EGLN1: variants seen among roughly 807,000 people sequenced by gnomAD.
The protein encoded by EGLN1 is egl-9 family hypoxia inducible factor 1, also known as egl nine homolog 1.
A neutral mutation model predicts 38.3 loss-of-function variants in EGLN1; 17 were observed. That is an observed-to-expected ratio of 0.44 (90% confidence interval 0.30 to 0.67). The LOEUF (loss-of-function observed/expected upper bound fraction) is 0.67, where lower values mean the gene tolerates loss of function less well. EGLN1 is among the 30% of genes least tolerant of loss of function. The pLI is 0.08. For missense variants in EGLN1, 477 were observed against 603.3 expected (o/e 0.79, Z 2.19); for synonymous variants, 283 against 257.5 (o/e 1.10, Z -0.95).
intron 1 of EGLN1, among the ~76,000 whole-genome samples, chr1:231,408,679 C>G (rs1688853471): frequency 6.6e-6 from 1 of 152,008 alleles, no homozygotes; most frequent in Non-Finnish European, 1.5e-5. Flanking sequence ...GTTGGAAATA[C>G]AAGGGTTCTC....
chr1:231,405,154 AAC>A (rs1688754246), intron 1 of EGLN1, among the ~76,000 whole-genome samples: 1 of 152,092 alleles, frequency 6.6e-6, no homozygotes, highest in Non-Finnish European at 1.5e-5. Flanking sequence ...TGAGAAATAA[AAC>A]TACTTTTTAT....
rs1323893562 is a variant in EGLN1 at position 231,366,447 on chromosome 1, A to G, written c.1245T>C (p.Asn415=). 5.0e-6 allele frequency: 8 copies of G among 1,614,002 alleles called. No individual in the cohort carries two copies. The highest frequency in any genetic ancestry group is 6.8e-6 in the Non-Finnish European group (8 of 1,179,976). The part of the protein sequence containing the change: ...TGEKGVRVEL[N]KPSDSVGKDV... Reference sequence around the variant, plus strand: ...CTTTACCGACCGAATCTGAAGGTTTATTGAGTTCAACCCTCACACCTTTTT... The same window carrying G: ...CTTTACCGACCGAATCTGAAGGTTTGTTGAGTTCAACCCTCACACCTTTTT... Residue 415 remains asparagine, a synonymous_variant, in exon 5 of 5, where the codon AAT becomes AAC. Coordinates refer to ENST00000366641, the MANE Select transcript of EGLN1 (RefSeq NM_022051.3).
chr1:231,366,282 T>G lies in EGLN1; in HGVS notation c.*129A>C. 1.0e-6 allele frequency: 1 copy of G among 973,414 alleles called. No homozygotes were observed. Among genetic ancestry groups the G allele is most frequent in the Non-Finnish European group, 1.6e-6 (1 of 622,996 alleles). 60.3% of individuals were successfully genotyped at this position (973,414 alleles called of 1,614,324 possible). ...CTTCTGTTTGATGCAACACAAAAAG[T>G]TGTTTCTGTTTCCTTATTAAAATGC... On this transcript the variant is annotated 3_prime_UTR_variant, in exon 5 of 5. Coordinates refer to ENST00000366641, the MANE Select transcript of EGLN1 (RefSeq NM_022051.3).
intron 3 of EGLN1, among the ~76,000 whole-genome samples, chr1:231,368,100 G>C (rs906952427): frequency 1.3e-5 from 2 of 152,186 alleles, no homozygotes; most frequent in Non-Finnish European, 2.9e-5. Context: ...AGAGGCAGGA[G>C]AATCGCTTGA....
chr1:231,421,007 G>A lies in EGLN1; in HGVS notation c.882C>T (p.Gly294=). ...NGKLGSYKIN[G]RTKAMVACYP... ...CGCAGCACACACTTACTTTCGTCCG[G>A]CCATTGATTTTGTAGCTGCCCAGCT... Residue 294 remains glycine (G), a synonymous_variant, in exon 1 of 5, where the codon GGC becomes GGT. Transcript: ENST00000366641. The surrounding 1 kb of genome is among the most constrained non-coding windows in gnomAD (Gnocchi z 5.5). 3 of 1,614,000 alleles carry A rather than the reference G, an allele frequency of 1.9e-6. No homozygotes were observed. The highest frequency in any genetic ancestry group is 2.5e-6 in the Non-Finnish European group (3 of 1,179,990).
rs763284659 is a variant in EGLN1 at position 231,391,092 on chromosome 1, TTGTGTGTGTGTG to T, written c.892-17005_892-16994del. ...ACAGGGAACTCATTCTGTTTTTTTT[TTGTGTGTGTGTG>T]TGTGTGTGTGTGTGTGTGTGTGTGT... On this transcript the variant is annotated intron_variant, in intron 1 of 4. Transcript: ENST00000366641. 2.8e-4 allele frequency among the ~76,000 whole-genome samples: 19 copies of T among 67,366 alleles called. No homozygotes were observed. The East Asian group carries it at 3.2e-3, about 11-fold the overall frequency. 44.2% of individuals were successfully genotyped at this position (67,366 alleles called of 152,430 possible). A position where few individuals can be genotyped will look rare whatever the true frequency, so the allele number is the denominator to read the frequency against.
intron 1 of EGLN1, among the ~76,000 whole-genome samples, chr1:231,387,987 C>T (rs1450847596): frequency 6.6e-6 from 1 of 152,122 alleles, no homozygotes; most frequent in Non-Finnish European, 1.5e-5. Flanking sequence ...AGTGATCTAC[C>T]CTGCTCATCT....
At chr1:231,372,214 C>G (rs570602834) in intron 2 of EGLN1, among the ~76,000 whole-genome samples, 1 of 152,364 alleles carries the variant, frequency 6.6e-6, no homozygotes, top group African/African-American at 2.4e-5. Flanking sequence ...GCATAACTAT[C>G]TGTAACTGTC....
At chr1:231,409,303 T>G (rs1036428144) in intron 1 of EGLN1, among the ~76,000 whole-genome samples, 4 of 151,850 alleles carry the variant, frequency 2.6e-5, no homozygotes, top group African/African-American at 9.7e-5. Flanking sequence ...GGTCTCCTCT[T>G]GTGTGATCCC....
chr1:231,408,587 A>T (rs556122967), intron 1 of EGLN1, among the ~76,000 whole-genome samples: 1 of 152,298 alleles, frequency 6.6e-6, no homozygotes, highest in African/African-American at 2.4e-5. Flanking sequence ...AGTGATTTTT[A>T]AAATTCTAAT....
At chr1:231,373,340 TC>T (rs1218482191) in intron 2 of EGLN1, among the ~76,000 whole-genome samples, 1 of 152,044 alleles carries the variant, frequency 6.6e-6, no homozygotes, top group Non-Finnish European at 1.5e-5. Context: ...ATAGATAATC[TC>T]CCCCAAAAGC....
chr1:231,390,267 C>T (rs1688332672), intron 1 of EGLN1, among the ~76,000 whole-genome samples: 1 of 152,206 alleles, frequency 6.6e-6, no homozygotes, highest in South Asian at 2.1e-4. Flanking sequence ...TGTTTCCTCA[C>T]TTGAAAAATT....
intron 1 of EGLN1, among the ~76,000 whole-genome samples, chr1:231,409,015 G>A (rs950319417): frequency 2.7e-5 from 4 of 150,392 alleles, no homozygotes; most frequent in Admixed American, 1.3e-4. Context: ...GATACAAAAA[G>A]AAAAAAAACA....
At chr1:231,376,761 T>C (rs1687968014) in intron 1 of EGLN1, among the ~76,000 whole-genome samples, 1 of 152,182 alleles carries the variant, frequency 6.6e-6, no homozygotes, top group Non-Finnish European at 1.5e-5. Flanking sequence ...AAAGATGACA[T>C]GATATTCTTG....
chr1:231,412,562 A>C (rs1163912555), intron 1 of EGLN1, among the ~76,000 whole-genome samples: 3 of 152,160 alleles, frequency 2.0e-5, no homozygotes, highest in Admixed American at 2.0e-4. Flanking sequence ...ACAACACTAA[A>C]AGTGTTGCAA....
chr1:231,366,458 C>T lies in EGLN1; in HGVS notation c.1234G>A (p.Val412Ile), dbSNP rs768347513. 18 of 1,613,522 alleles carry T rather than the reference C, an allele frequency of 1.1e-5. No individual in the cohort carries two copies. Among genetic ancestry groups the T allele is most frequent in the Non-Finnish European group, 1.3e-5 (15 of 1,179,942 alleles). The change falls in exon 5 of 5, where the codon GTT becomes ATT. Residue 412 changes from valine (V) to isoleucine (I), a missense_variant. Coordinates refer to ENST00000366641, the MANE Select transcript of EGLN1 (RefSeq NM_022051.3). Reference protein sequence around the residue: ...KYLTGEKGVRVELNKPSDSVG... With the variant: ...KYLTGEKGVRIELNKPSDSVG... Reference sequence around the variant, plus strand: ...GAATCTGAAGGTTTATTGAGTTCAACCCTCACACCTTTTTCACCTGCAAGG... The same window carrying T: ...GAATCTGAAGGTTTATTGAGTTCAATCCTCACACCTTTTTCACCTGCAAGG...
intron 1 of EGLN1, among the ~76,000 whole-genome samples, chr1:231,386,819 A>G (rs574276674): frequency 4.6e-5 from 7 of 152,356 alleles, no homozygotes; most frequent in Non-Finnish European, 1.0e-4. Context: ...TTTACCATCC[A>G]TTGCTAAAGA....
chr1:231,376,359 C>G (rs967676082), intron 1 of EGLN1, among the ~76,000 whole-genome samples: 1 of 152,166 alleles, frequency 6.6e-6, no homozygotes, highest in Non-Finnish European at 1.5e-5. Flanking sequence ...CATTTAGTAG[C>G]CTTCTAGGTC....
intron 1 of EGLN1, among the ~76,000 whole-genome samples, chr1:231,396,063 T>G (rs1558389355): frequency 6.6e-6 from 1 of 151,118 alleles, no homozygotes; most frequent in Non-Finnish European, 1.5e-5. Flanking sequence ...GCAATAAATG[T>G]CTTTTAGTTC....
Sources: gnomAD v4.1 joint callset for allele counts (sites outside exome capture counted in the v4.1 genomes callset) on GRCh38, gnomAD v4.1.1 for gene constraint, Gnocchi (gnomAD v3.1) non-coding constraint, MANE v1.5 for transcripts, NCBI Gene and HGNC (gene_info 2026-07-23, HGNC 2026-07-21) for gene names.